TMEM135: variants seen among roughly 807,000 people sequenced by gnomAD.
The protein encoded by TMEM135 is peroxisomal membrane protein 52.
Under a neutral mutation model 60.3 loss-of-function variants are expected in TMEM135, and 30 were observed. That is an observed-to-expected ratio of 0.50 (90% confidence interval 0.37 to 0.68). The LOEUF (loss-of-function observed/expected upper bound fraction) is 0.68, where lower values mean the gene tolerates loss of function less well. Ranked by LOEUF, TMEM135 falls within the 30% of genes least tolerant of loss-of-function variation. The pLI is 0.00. For missense variants in TMEM135, 468 were observed against 548.8 expected (o/e 0.85, Z 1.47); for synonymous variants, 190 against 186.7 (o/e 1.02, Z -0.14).
intron 5 of TMEM135, among the ~76,000 whole-genome samples, chr11:87,202,087 G>A (rs11235010): frequency 0.083 from 12,671 of 151,906 alleles, 636 homozygotes; most frequent in East Asian, 0.17. Context: ...GTGCAATGGC[G>A]TGGTCTCAGC....
chr11:87,204,737 A>C (rs1940197509), intron 5 of TMEM135, among the ~76,000 whole-genome samples: 1 of 152,092 alleles, frequency 6.6e-6, no homozygotes, highest in South Asian at 2.1e-4. Flanking sequence ...TCATCTTTAC[A>C]CTGAGGAGGA....
chr11:87,161,278 A>G (rs1256057160), intron 5 of TMEM135, among the ~76,000 whole-genome samples: 1 of 152,150 alleles, frequency 6.6e-6, no homozygotes, highest in Non-Finnish European at 1.5e-5. Context: ...AATGAACTGC[A>G]GATTCAATAA....
At position 87,154,523 on chromosome 11, in the gene TMEM135, C is replaced by T. The variant is rs537929390; in HGVS notation, c.397-2818C>T. On this transcript the variant is annotated intron_variant, in intron 4 of 14. Coordinates refer to ENST00000305494, the MANE Select transcript of TMEM135 (RefSeq NM_022918.4). ...AGGGTGGCTGGGTTGTATGATAATT[C>T]GATGTGTAAATTTTAAAGTAACTGC... Among the ~76,000 whole-genome samples, 14 of 152,220 alleles carry T rather than the reference C, an allele frequency of 9.2e-5. 1 individual carries two copies. In the South Asian group the frequency reaches 1.0e-3, roughly 11 times the overall value.
intron 5 of TMEM135, among the ~76,000 whole-genome samples, chr11:87,224,319 G>C (rs1270636916): frequency 5.3e-5 from 8 of 152,226 alleles, no homozygotes; most frequent in East Asian, 1.9e-4. Flanking sequence ...TTGTAGTTTA[G>C]TGAAGTAGTG....
At chr11:87,200,781 C>T (rs796496505) in intron 5 of TMEM135, among the ~76,000 whole-genome samples, 24 of 152,230 alleles carry the variant, frequency 1.6e-4, no homozygotes, top group African/African-American at 5.8e-4. Flanking sequence ...TGAGCCTTCC[C>T]TCTGCCCAAA....
rs973063573 is a variant in TMEM135, at chr11:87,325,281, G to A, written c.*3948G>A. On this transcript the variant is annotated 3_prime_UTR_variant, in exon 15 of 15. Coordinates refer to ENST00000305494, the MANE Select transcript of TMEM135 (RefSeq NM_022918.4). ...ACTGACTCTAGTGTGTGTGACTTCT[G>A]GAAACAGAAGTGGGGCAGTAAGTTG... The A allele has an allele frequency of 1.8e-5, 8 of 453,872 alleles. No homozygotes were observed. In the Admixed American group the frequency reaches 1.9e-4, roughly 11 times the overall value. The allele number at this position is 453,872 out of a possible 1,614,324, so 28.1% of individuals were successfully genotyped here. A position where few individuals can be genotyped will look rare whatever the true frequency, so the allele number is the denominator to read the frequency against.
chr11:87,183,449 A>C lies in TMEM135; in HGVS notation c.462+26043A>C, dbSNP rs548170013. On this transcript the variant is annotated intron_variant, in intron 5 of 14. Transcript: ENST00000305494. ...AGCCACCACACCTGGCTATCACTAA[A>C]ATTTTTTTGTTATTTGTTTTCTCTA... Among the ~76,000 whole-genome samples, 6 of 151,864 alleles carry C rather than the reference A, an allele frequency of 4.0e-5. No individual in the cohort carries two copies. The East Asian group carries it at 1.2e-3, about 30-fold the overall frequency.
chr11:87,170,918 C>T (rs1939219008), intron 5 of TMEM135, among the ~76,000 whole-genome samples: 1 of 152,154 alleles, frequency 6.6e-6, no homozygotes. Context: ...TTTTCTGTCC[C>T]AGGCAGATGG....
intron 6 of TMEM135, among the ~76,000 whole-genome samples, chr11:87,283,281 C>T (rs772000837): frequency 2.0e-5 from 3 of 149,984 alleles, no homozygotes; most frequent in East Asian, 2.0e-4. Context: ...TGCAGTGAGC[C>T]GAGACCGTGC....
rs189845780 is a variant in TMEM135, at chr11:87,215,151, T to C, written c.463-21487T>C. Reference sequence around the variant, plus strand: ...ACTTGTATCATTTATTATTAACTATTACTAATATGAAATACTTTATAATAC... The same window carrying C: ...ACTTGTATCATTTATTATTAACTATCACTAATATGAAATACTTTATAATAC... On this transcript the variant is annotated intron_variant, in intron 5 of 14. Coordinates refer to ENST00000305494, the MANE Select transcript of TMEM135 (RefSeq NM_022918.4). Among the ~76,000 whole-genome samples, 281 of 152,290 alleles carry C rather than the reference T, an allele frequency of 1.8e-3. 1 individual carries two copies. The highest frequency in any genetic ancestry group is 6.7e-3 in the African/African-American group (277 of 41,584).
chr11:87,167,783 G>A (rs1426273589), intron 5 of TMEM135, among the ~76,000 whole-genome samples: 3 of 151,912 alleles, frequency 2.0e-5, no homozygotes, highest in Admixed American at 6.6e-5. Flanking sequence ...TTTTTGTTGT[G>A]TCTCTGCCAC....
At chr11:87,174,518 GC>G (rs1939320251) in intron 5 of TMEM135, among the ~76,000 whole-genome samples, 2 of 152,038 alleles carry the variant, frequency 1.3e-5, no homozygotes, top group African/African-American at 4.8e-5. Context: ...TCCTTTTTAA[GC>G]AGCAATTCAA....
At chr11:87,303,263 A>G (rs1942477991) in intron 8 of TMEM135, among the ~76,000 whole-genome samples, 1 of 152,188 alleles carries the variant, frequency 6.6e-6, no homozygotes, top group Non-Finnish European at 1.5e-5. Flanking sequence ...AACTGCGCGT[A>G]CAAGGGATCT....
At chr11:87,222,429 G>A (rs1225042901) in intron 5 of TMEM135, among the ~76,000 whole-genome samples, 8 of 139,652 alleles carry the variant, frequency 5.7e-5, no homozygotes, top group Non-Finnish European at 1.2e-4. Context: ...ACCCTGGGGG[G>A]CTGAGCTTGC....
Position 87,323,249 on chromosome 11 carries a change from T to A in TMEM135, c.*1916T>A, listed in dbSNP as rs570521785. 255 of 453,686 alleles carry A rather than the reference T, an allele frequency of 5.6e-4. 1 individual carries two copies. Among genetic ancestry groups the A allele is most frequent in the African/African-American group, 4.1e-3 (206 of 50,110 alleles). The allele number at this position is 453,686 out of a possible 1,614,324, so 28.1% of individuals were successfully genotyped here. ...TTTTTATAAATTGCAGTCATTTTTT[T>A]AAATTTTATGTAAAATGTAAAATGA... On this transcript the variant is annotated 3_prime_UTR_variant, in exon 15 of 15. Transcript: ENST00000305494.
intron 5 of TMEM135, among the ~76,000 whole-genome samples, chr11:87,228,628 A>G (rs1940818984): frequency 6.6e-6 from 1 of 152,128 alleles, no homozygotes; most frequent in African/African-American, 2.4e-5. Flanking sequence ...ATGTCTTTGG[A>G]GATACTCAAG....
At chr11:87,171,100 G>A (rs1939225227) in intron 5 of TMEM135, among the ~76,000 whole-genome samples, 2 of 152,030 alleles carry the variant, frequency 1.3e-5, no homozygotes, top group African/African-American at 4.8e-5. Flanking sequence ...TATGAAAAGG[G>A]GCATAGTTGA....
chr11:87,175,354 CTGA>C (rs144843988), intron 5 of TMEM135, among the ~76,000 whole-genome samples: 19,627 of 152,116 alleles, frequency 0.13, 1,322 homozygotes, highest in Middle Eastern at 0.15. Context: ...TTGCATACTC[CTGA>C]TGAACAAACA....
chr11:87,090,164 A>G (rs923623127), intron 3 of TMEM135, among the ~76,000 whole-genome samples: 2 of 152,124 alleles, frequency 1.3e-5, no homozygotes, highest in African/African-American at 2.4e-5. Flanking sequence ...CCTTTTAACC[A>G]GAGTAGGTCC....
Sources: allele counts gnomAD v4.1 joint callset (sites outside exome capture counted in the v4.1 genomes callset), GRCh38; gene constraint gnomAD v4.1.1; transcripts MANE v1.5; gene names NCBI Gene and HGNC (gene_info 2026-07-23, HGNC 2026-07-21).